The following STXBP5L variants were observed in gnomAD, a reference collection of about 807,000 sequenced individuals.
The protein encoded by STXBP5L is syntaxin binding protein 5L.
A neutral mutation model predicts 144.5 loss-of-function variants in STXBP5L; 65 were observed. The observed-to-expected ratio is 0.45, with a 90% CI of 0.37 to 0.55. The LOEUF (loss-of-function observed/expected upper bound fraction) is 0.55, where lower values mean the gene tolerates loss of function less well. Ranked by LOEUF, STXBP5L falls within the 20% of genes least tolerant of loss-of-function variation. The pLI is 0.00. For synonymous variants in STXBP5L, 505 were observed against 469.6 expected (o/e 1.08, Z -0.97); for missense variants, 1,298 against 1,405.5 (o/e 0.92, Z 1.22).
intron 11 of STXBP5L, among the ~76,000 whole-genome samples, chr3:121,226,672 G>C (rs978969422): frequency 6.6e-6 from 1 of 152,164 alleles, no homozygotes; most frequent in African/African-American, 2.4e-5. Context: ...AGGATCTTAG[G>C]AGAATTCAGA....
intron 3 of STXBP5L, among the ~76,000 whole-genome samples, chr3:121,014,785 C>T (rs960610035): frequency 3.3e-5 from 5 of 151,768 alleles, no homozygotes; most frequent in Admixed American, 3.3e-4. Flanking sequence ...GTAAAAATCT[C>T]AATGAATCTA....
chr3:120,925,342 G>A (rs1418448720), intron 2 of STXBP5L, among the ~76,000 whole-genome samples: 1 of 152,132 alleles, frequency 6.6e-6, no homozygotes, highest in African/African-American at 2.4e-5. Flanking sequence ...GGGAGCTCTC[G>A]TGTTGGGTGC....
chr3:121,413,018 AC>A, intron 23 of STXBP5L, 139 bp from the exon 24 acceptor site: 1 of 678,418 alleles, frequency 1.5e-6, no homozygotes, highest in Non-Finnish European at 2.1e-6. Context: ...ACAGAGCAAG[AC>A]TCTGTCTCAA....
intron 5 of STXBP5L, among the ~76,000 whole-genome samples, chr3:121,075,719 T>G (rs918131636): frequency 6.6e-6 from 1 of 152,214 alleles, no homozygotes; most frequent in African/African-American, 2.4e-5. Context: ...TTGGCCTTTT[T>G]CCCTGCAGGC....
intron 5 of STXBP5L, among the ~76,000 whole-genome samples, chr3:121,068,561 T>G (rs11918518): frequency 6.6e-6 from 1 of 151,886 alleles, no homozygotes; most frequent in Non-Finnish European, 1.5e-5. Flanking sequence ...TGATCTAAAA[T>G]AGAGCATTTC....
chr3:121,131,720 C>A (rs1246915378), intron 7 of STXBP5L, among the ~76,000 whole-genome samples: 1 of 152,118 alleles, frequency 6.6e-6, no homozygotes, highest in Non-Finnish European at 1.5e-5. Flanking sequence ...AAAAAGAAAA[C>A]TGGTTTTATT....
At chr3:121,106,022 T>A (rs2043685624) in intron 5 of STXBP5L, among the ~76,000 whole-genome samples, 1 of 152,302 alleles carries the variant, frequency 6.6e-6, no homozygotes, top group South Asian at 2.1e-4. Context: ...AAAATTTATT[T>A]ATTTTGTGTT....
intron 2 of STXBP5L, among the ~76,000 whole-genome samples, chr3:120,934,627 C>T (rs974100007): frequency 2.6e-5 from 4 of 151,986 alleles, no homozygotes; most frequent in African/African-American, 9.7e-5. Context: ...TTATCTATTT[C>T]TCCTTGTACT....
chr3:121,009,388 C>G (rs988428562), intron 3 of STXBP5L, among the ~76,000 whole-genome samples: 4 of 152,032 alleles, frequency 2.6e-5, no homozygotes, highest in Non-Finnish European at 5.9e-5. Context: ...GCCCAACAGT[C>G]TGCATTTATC....
chr3:121,349,511 C>T (rs1424213293), intron 20 of STXBP5L, among the ~76,000 whole-genome samples: 1 of 151,424 alleles, frequency 6.6e-6, no homozygotes, highest in Non-Finnish European at 1.5e-5. Context: ...CCTGGATATC[C>T]TTGTTAACTT....
intron 3 of STXBP5L, among the ~76,000 whole-genome samples, chr3:121,039,971 G>C (rs1266384386): frequency 6.6e-6 from 1 of 151,922 alleles, no homozygotes; most frequent in African/African-American, 2.4e-5. Context: ...TAGATGGATG[G>C]ATAGATAGAT....
intron 6 of STXBP5L, among the ~76,000 whole-genome samples, chr3:121,118,585 C>T (rs935395081): frequency 2.0e-5 from 3 of 151,422 alleles, no homozygotes; most frequent in Non-Finnish European, 4.4e-5. Context: ...TAATAGGGAG[C>T]TAGATTTTGA....
At chr3:121,395,909 G>T (rs1289562521) in intron 22 of STXBP5L, among the ~76,000 whole-genome samples, 2 of 152,216 alleles carry the variant, frequency 1.3e-5, no homozygotes, top group Admixed American at 6.5e-5. Context: ...CTGCAACCGA[G>T]GGGTCCTCGG....
At chr3:120,922,401 C>T (rs1709400230) in intron 2 of STXBP5L, among the ~76,000 whole-genome samples, 1 of 151,872 alleles carries the variant, frequency 6.6e-6, no homozygotes, top group Non-Finnish European at 1.5e-5. Flanking sequence ...AAGGTCATAT[C>T]ACCTGTGAAC....
At chr3:121,336,378 T>C (rs1206940129) in intron 20 of STXBP5L, among the ~76,000 whole-genome samples, 1 of 152,060 alleles carries the variant, frequency 6.6e-6, no homozygotes, top group Non-Finnish European at 1.5e-5. Flanking sequence ...ATGCCTGTAG[T>C]CCTAGCTACT....
At chr3:121,405,723 G>T (rs1260601405) in intron 22 of STXBP5L, among the ~76,000 whole-genome samples, 1 of 152,042 alleles carries the variant, frequency 6.6e-6, no homozygotes, top group East Asian at 1.9e-4. Flanking sequence ...AAAGATTAAA[G>T]AAAGAATTCT....
chr3:120,919,174 G>GAAAT (rs1206762423), intron 2 of STXBP5L, among the ~76,000 whole-genome samples: 2 of 152,078 alleles, frequency 1.3e-5, no homozygotes, highest in African/African-American at 4.8e-5. Flanking sequence ...TTTTACCCAT[G>GAAAT]AAATAAATAA....
intron 10 of STXBP5L, among the ~76,000 whole-genome samples, chr3:121,211,598 G>C (rs1159990884): frequency 5.9e-5 from 1 of 17,052 alleles, no homozygotes; most frequent in Admixed American, 5.3e-4. Context: ...TTTTTTTTTT[G>C]AGACAGAGTC....
intron 19 of STXBP5L, among the ~76,000 whole-genome samples, chr3:121,286,139 T>C (rs1559936434): frequency 1.1e-4 from 16 of 152,180 alleles, no homozygotes. Flanking sequence ...AATTTCTAGT[T>C]ATGCAACAAG....
Sources: allele counts gnomAD v4.1 joint callset (sites outside exome capture counted in the v4.1 genomes callset), GRCh38; gene constraint gnomAD v4.1.1; transcripts MANE v1.5; gene names NCBI Gene and HGNC (gene_info 2026-07-23, HGNC 2026-07-21).